Variants in PTPRN2 observed in about 807,000 individuals in gnomAD.
The protein encoded by PTPRN2 is protein tyrosine phosphatase receptor type N2.
In PTPRN2, 74 loss-of-function variants were observed where a neutral mutation model predicts 118.8. The ratio of observed to expected loss-of-function variants is 0.62; its 90% CI spans 0.52 to 0.76. PTPRN2 has a LOEUF of 0.76. Among genes scored for constraint, PTPRN2 ranks in the 30% least tolerant of loss-of-function variants. PTPRN2 has a pLI of 0.00. For missense variants in PTPRN2, 1,481 were observed against 1,394.4 expected, an observed-to-expected ratio of 1.06 and a Z score of -0.99; for synonymous variants, 641 against 608.0, an observed-to-expected ratio of 1.05 and a Z score of -0.80.
intron 2 of PTPRN2, among the ~76,000 whole-genome samples, chr7:158,318,047 G>T (rs1243263599): frequency 2.0e-5 from 3 of 152,110 alleles, no homozygotes; most frequent in African/African-American, 4.8e-5. Context: ...GTTTCCCTCC[G>T]TGCAGCCCGG....
At position 158,482,568 on chromosome 7, in the gene PTPRN2, T is replaced by C. The variant is rs543983940; in HGVS notation, c.163+7167A>G. 4.8e-4 allele frequency among the ~76,000 whole-genome samples: 73 copies of C among 152,366 alleles called. 1 individual carries two copies. The South Asian group carries it at 0.014, about 30-fold the overall frequency. ...AGGCCTGTACATTGTTTTTTAGACA[T>C]AGTGCTATTACACACTTAATAGACC... On this transcript the variant is annotated intron_variant, in intron 2 of 22. Coordinates refer to ENST00000389418, the MANE Select transcript of PTPRN2 (RefSeq NM_002847.5).
chr7:158,390,848 A>G (rs1811871303), intron 2 of PTPRN2, among the ~76,000 whole-genome samples: 1 of 152,212 alleles, frequency 6.6e-6, no homozygotes, highest in African/African-American at 2.4e-5. Flanking sequence ...TCATGCCCCA[A>G]AGAGGCTACG....
chr7:158,555,859 G>A lies in PTPRN2; in HGVS notation c.112+31699C>T, dbSNP rs77714729. Among the ~76,000 whole-genome samples, 1,233 of 151,938 alleles carry A rather than the reference G, an allele frequency of 8.1e-3. 22 individuals are homozygous for A. The highest frequency in any genetic ancestry group is 0.026 in the African/African-American group (1,079 of 41,466). ...CATCCTATCTTCGAGGACCCAGCTCGCAGAGAACAAAATCTGTGAACAATA... is the reference window on the plus strand; with the variant it reads ...CATCCTATCTTCGAGGACCCAGCTCACAGAGAACAAAATCTGTGAACAATA... On this transcript the variant is annotated intron_variant, in intron 1 of 22. Transcript: ENST00000389418. The surrounding 1 kb of genome is among the most constrained non-coding windows in gnomAD (Gnocchi z 4.7).
At chr7:158,148,495 CGT>C (rs1820448783) in intron 6 of PTPRN2, among the ~76,000 whole-genome samples, 1 of 132,450 alleles carries the variant, frequency 7.6e-6, no homozygotes, top group African/African-American at 2.8e-5. Context: ...TCTCACGCCA[CGT>C]GTCTTTCCCC....
chr7:158,131,512 AC>A (rs1345207587), intron 9 of PTPRN2, among the ~76,000 whole-genome samples: 1 of 151,052 alleles, frequency 6.6e-6, no homozygotes, highest in Non-Finnish European at 1.5e-5. Context: ...ATACACATCT[AC>A]CCGACACACA....
chr7:158,040,873 C>T (rs1409364379), intron 11 of PTPRN2, among the ~76,000 whole-genome samples: 1 of 151,994 alleles, frequency 6.6e-6, no homozygotes, highest in Admixed American at 6.6e-5. Flanking sequence ...GCTGGGATTA[C>T]AGGCATGCAC....
At chr7:158,208,710 G>C (rs1416404235) in intron 3 of PTPRN2, among the ~76,000 whole-genome samples, 1 of 152,134 alleles carries the variant, frequency 6.6e-6, no homozygotes, top group African/African-American at 2.4e-5. Context: ...TCATCTAAAG[G>C]TACAAAACTC....
chr7:157,835,688 C>T (rs538698957), intron 12 of PTPRN2, among the ~76,000 whole-genome samples: 11 of 152,080 alleles, frequency 7.2e-5, no homozygotes, highest in Admixed American at 1.3e-4. Context: ...ACTGCAAATG[C>T]GTGGGAAACA....
rs1796035255 is a variant in PTPRN2, at chr7:157,880,212, A to G, written c.1788+18461T>C. Among the ~76,000 whole-genome samples the G allele has an allele frequency of 2.0e-5, 3 of 152,208 alleles. 1 individual carries two copies. Among genetic ancestry groups the G allele is most frequent in the Admixed American group, 1.3e-4 (2 of 15,288 alleles). On this transcript the variant is annotated intron_variant, in intron 12 of 22. Coordinates refer to ENST00000389418, the MANE Select transcript of PTPRN2 (RefSeq NM_002847.5). Reference sequence around the variant, plus strand: ...ATTTGTTTGCGTTCACTTAGAGACGATCTGTAAATTAGCAGCTTCACAATC... The same window carrying G: ...ATTTGTTTGCGTTCACTTAGAGACGGTCTGTAAATTAGCAGCTTCACAATC...
At chr7:158,098,368 C>T (rs893271449) in intron 10 of PTPRN2, among the ~76,000 whole-genome samples, 1 of 152,176 alleles carries the variant, frequency 6.6e-6, no homozygotes, top group African/African-American at 2.4e-5. Flanking sequence ...GGACGGGCGG[C>T]GGGACTCAGG....
intron 13 of PTPRN2, chr7:157,669,443 A>T (rs1211134864): frequency 4.5e-6 from 2 of 448,604 alleles, no homozygotes; most frequent in Non-Finnish European, 8.9e-6. Flanking sequence ...ACACACACCC[A>T]GGGGAGGATG....
At chr7:158,149,823 A>G (rs1413948199) in intron 6 of PTPRN2, among the ~76,000 whole-genome samples, 1 of 151,948 alleles carries the variant, frequency 6.6e-6, no homozygotes, top group South Asian at 2.1e-4. Flanking sequence ...AAAAAGATAA[A>G]CCCAAGTGAT....
intron 11 of PTPRN2, among the ~76,000 whole-genome samples, chr7:157,982,157 C>A (rs1803254319): frequency 8.2e-6 from 1 of 121,782 alleles, no homozygotes; most frequent in African/African-American, 2.8e-5. Context: ...AACCCCGAGT[C>A]ACAGAGATGA....
intron 11 of PTPRN2, among the ~76,000 whole-genome samples, chr7:158,040,400 A>ACT (rs142643073): frequency 7.8e-6 from 1 of 128,956 alleles, no homozygotes; most frequent in Non-Finnish European, 1.6e-5. Flanking sequence ...CACACACTTC[A>ACT]CACACACACA....
At chr7:158,278,706 T>C (rs1313409674) in intron 3 of PTPRN2, among the ~76,000 whole-genome samples, 1 of 152,220 alleles carries the variant, frequency 6.6e-6, no homozygotes, top group Non-Finnish European at 1.5e-5. Context: ...CCAGAGTTTG[T>C]TCCTTCAGGT....
At chr7:157,720,413 T>G (rs1449167806) in intron 12 of PTPRN2, among the ~76,000 whole-genome samples, 1 of 152,240 alleles carries the variant, frequency 6.6e-6, no homozygotes, top group Non-Finnish European at 1.5e-5. Flanking sequence ...CTGCAGCTCC[T>G]GCTCTGTGTT....
At chr7:158,411,462 C>T (rs1294811985) in intron 2 of PTPRN2, among the ~76,000 whole-genome samples, 1 of 152,194 alleles carries the variant, frequency 6.6e-6, no homozygotes, top group Non-Finnish European at 1.5e-5. Context: ...CCGGCCACCA[C>T]TCTCTGGTCC....
intron 3 of PTPRN2, among the ~76,000 whole-genome samples, chr7:158,248,731 C>T (rs1261914770): frequency 1.4e-5 from 2 of 148,000 alleles, no homozygotes; most frequent in Non-Finnish European, 3.0e-5. Context: ...ACATCACATG[C>T]ATGCCCCTAC....
intron 11 of PTPRN2, among the ~76,000 whole-genome samples, chr7:157,912,255 T>G (rs1396691234): frequency 6.6e-6 from 1 of 152,254 alleles, no homozygotes; most frequent in African/African-American, 2.4e-5. Context: ...GCTTCCAATG[T>G]GCATGTCTTT....
Sources: gnomAD v4.1 joint callset for allele counts (sites outside exome capture counted in the v4.1 genomes callset) on GRCh38, gnomAD v4.1.1 for gene constraint, Gnocchi (gnomAD v3.1) non-coding constraint, MANE v1.5 for transcripts, NCBI Gene and HGNC (gene_info 2026-07-23, HGNC 2026-07-21) for gene names.